Variants in CYLD observed in about 807,000 individuals in gnomAD.
CYLD encodes CYLD lysine 63 deubiquitinase, also known as ubiquitin carboxyl-terminal hydrolase CYLD.
Under a neutral mutation model 104.5 loss-of-function variants are expected in CYLD, and 26 were observed. The observed-to-expected ratio is 0.25, with a 90% CI of 0.18 to 0.35. The LOEUF is 0.35. CYLD is among the 10% of genes least tolerant of loss of function. CYLD has a pLI of 1.00. For missense variants in CYLD, 703 were observed against 1,136.1 expected, an observed-to-expected ratio of 0.62 and a Z score of 5.48; for synonymous variants, 385 against 399.9, an observed-to-expected ratio of 0.96 and a Z score of 0.45.
At chr16:50,774,895 C>T (rs544607366) in intron 5 of CYLD, among the ~76,000 whole-genome samples, 11 of 152,136 alleles carry the variant, frequency 7.2e-5, no homozygotes, top group Middle Eastern at 3.4e-3. Flanking sequence ...TGATCGAAAT[C>T]GTGGTTAATT....
chr16:50,798,120 T>C lies in CYLD; in HGVS notation c.*1612T>C, dbSNP rs1369520254. Reference sequence around the variant, plus strand: ...AGATGCATAAGGCCTTTTCTAGCTCTGACAGCCTAGAAGTCCAATCACCCT... The same window carrying C: ...AGATGCATAAGGCCTTTTCTAGCTCCGACAGCCTAGAAGTCCAATCACCCT... On this transcript the variant is annotated 3_prime_UTR_variant, in exon 19 of 19. Coordinates refer to ENST00000427738, the MANE Select transcript of CYLD (RefSeq NM_001378743.1). The C allele has an allele frequency of 4.3e-6, 1 of 231,442 alleles. No individual in the cohort carries two copies. Among genetic ancestry groups the C allele is most frequent in the Non-Finnish European group, 8.5e-6 (1 of 116,962 alleles). The allele number at this position is 231,442 out of a possible 1,614,324, so 14.3% of individuals were successfully genotyped here.
intron 2 of CYLD, among the ~76,000 whole-genome samples, chr16:50,743,478 C>G (rs1191087560): frequency 6.6e-6 from 1 of 152,180 alleles, no homozygotes; most frequent in African/African-American, 2.4e-5. Context: ...AAACCTTCCT[C>G]TGGGTGGTAA....
At chr16:50,754,997 GTATATA>G (rs1204657786) in intron 5 of CYLD, among the ~76,000 whole-genome samples, 1 of 7,560 alleles carries the variant, frequency 1.3e-4, no homozygotes, top group African/African-American at 8.2e-4. Context: ...ACATATATAT[GTATATA>G]TACATATATA....
chr16:50,796,348 C>T lies in CYLD; in HGVS notation c.2711C>T (p.Pro904Leu). The T allele has an allele frequency of 6.2e-7, 1 of 1,614,096 alleles. No homozygotes were observed. The highest frequency in any genetic ancestry group is 8.5e-7 in the Non-Finnish European group (1 of 1,180,000). The change falls in exon 19 of 19, where the codon CCT becomes CTT. Residue 904 changes from proline to leucine, a missense_variant. Physicochemically the swap from Pro to Leu is moderately conservative, Grantham distance 98 (BLOSUM62 -3). Coordinates refer to ENST00000427738, the MANE Select transcript of CYLD (RefSeq NM_001378743.1). ...RDGGQNGFNI[P>L]QVTPCPEVGE... is the part of the protein sequence containing the mutation. ...GGTGGTCAGAATGGCTTCAACATTC[C>T]TCAAGTCACCCCATGCCCAGAAGTA...
intron 12 of CYLD, 102 bp from the exon 13 acceptor site, chr16:50,786,753 C>G: frequency 2.3e-6 from 2 of 862,478 alleles, no homozygotes; most frequent in Middle Eastern, 3.5e-4. Flanking sequence ...TAGAGTGAGA[C>G]TCTATCTCAA....
At chr16:50,747,629 G>A (rs975635945) in intron 2 of CYLD, among the ~76,000 whole-genome samples, 4 of 152,192 alleles carry the variant, frequency 2.6e-5, no homozygotes, top group Non-Finnish European at 2.9e-5. Flanking sequence ...AAATTGAGGG[G>A]TTGGATAGCT....
Position 50,796,621 on chromosome 16 carries a change from A to C in CYLD, c.*113A>C. The C allele has an allele frequency of 1.8e-6, 2 of 1,091,898 alleles. No individual in the cohort carries two copies. The highest frequency in any genetic ancestry group is 2.8e-6 in the Non-Finnish European group (2 of 723,236). The allele number at this position is 1,091,898 out of a possible 1,614,324, so 67.6% of individuals were successfully genotyped here. A position where few individuals can be genotyped will look rare whatever the true frequency, so the allele number is the denominator to read the frequency against. The stretch of plus-strand genomic sequence containing the variant: ...GCCGGCAATGGATGTCTTTGTGGTG[A>C]TGATCCTTCAGAAAAGGATGCCTCT... On this transcript the variant is annotated 3_prime_UTR_variant, in exon 19 of 19. Coordinates refer to ENST00000427738, the MANE Select transcript of CYLD (RefSeq NM_001378743.1).
intron 9 of CYLD, among the ~76,000 whole-genome samples, chr16:50,780,394 G>A (rs1444668841): frequency 2.0e-5 from 3 of 152,082 alleles, no homozygotes; most frequent in Admixed American, 2.0e-4. Flanking sequence ...TATATCACTG[G>A]CTTTAAAGTT....
At chr16:50,793,413 G>A (rs1004906883) in intron 16 of CYLD, 133 bp from the exon 17 acceptor site, 3 of 771,638 alleles carry the variant, frequency 3.9e-6, no homozygotes, top group African/African-American at 1.7e-5. Flanking sequence ...TAAGCAGATG[G>A]AAGAGAAAGA....
At chr16:50,761,404 A>C (rs1967907705) in intron 5 of CYLD, among the ~76,000 whole-genome samples, 1 of 152,182 alleles carries the variant, frequency 6.6e-6, no homozygotes, top group Non-Finnish European at 1.5e-5. Flanking sequence ...AATCTTGTTC[A>C]TTATCCCAAA....
rs1967911692 is a variant in CYLD, at chr16:50,761,430, C to T, written c.913+7006C>T. ...TTATCCCAAATAGAAACTCTATACT[C>T]ATGAAGAGATAGCTGCCGGTTCCTC... On this transcript the variant is annotated intron_variant, in intron 5 of 18. Coordinates refer to ENST00000427738, the MANE Select transcript of CYLD (RefSeq NM_001378743.1). 2.6e-5 allele frequency among the ~76,000 whole-genome samples: 4 copies of T among 152,190 alleles called. No individual in the cohort carries two copies. The South Asian group carries it at 8.3e-4, about 31-fold the overall frequency.
chr16:50,748,358 C>T (rs1966366826), intron 2 of CYLD, among the ~76,000 whole-genome samples: 1 of 152,136 alleles, frequency 6.6e-6, no homozygotes, highest in African/African-American at 2.4e-5. Flanking sequence ...AATGAGCCTA[C>T]TTCATTGGAA....
At position 50,796,586 on chromosome 16, in the gene CYLD, C is replaced by A; in HGVS notation, c.*78C>A. 6.9e-7 allele frequency: 1 copy of A among 1,446,474 alleles called. No homozygotes were observed. Among genetic ancestry groups the A allele is most frequent in the Non-Finnish European group, 9.6e-7 (1 of 1,040,646 alleles). 89.6% of individuals were successfully genotyped at this position (1,446,474 alleles called of 1,614,324 possible). On this transcript the variant is annotated 3_prime_UTR_variant, in exon 19 of 19. Coordinates refer to ENST00000427738, the MANE Select transcript of CYLD (RefSeq NM_001378743.1). ...TCTTATTCGAGCTGGCAGTTCTGTTCACGTCCATTGCCGGCAATGGATGTC... is the reference window on the plus strand; with the variant it reads ...TCTTATTCGAGCTGGCAGTTCTGTTAACGTCCATTGCCGGCAATGGATGTC...
intron 5 of CYLD, among the ~76,000 whole-genome samples, chr16:50,759,860 T>G (rs538505097): frequency 5.3e-5 from 8 of 152,366 alleles, no homozygotes; most frequent in Admixed American, 2.0e-4. Context: ...TTATACAACA[T>G]TTGTGTCTTC....
At chr16:50,755,135 A>G (rs1967008504) in intron 5 of CYLD, among the ~76,000 whole-genome samples, 1 of 132,420 alleles carries the variant, frequency 7.6e-6, no homozygotes, top group Non-Finnish European at 1.6e-5. Flanking sequence ...ATATATACAC[A>G]CGTGTACATA....
In CYLD at chr16:50,796,463, A is replaced by G. The variant is rs1290078201; in HGVS notation, c.2826A>G (p.Ala942=). ...GTGCACGAAGACTGCTTTGTGATGC[A>G]TATATGTGCATGTACCAGAGTCCAA... ...QGCARRLLCD[A]YMCMYQSPTM... is the part of the protein sequence containing the mutation. The change falls in exon 19 of 19, where the codon GCA becomes GCG. Residue 942 remains alanine (A), a synonymous_variant. Coordinates refer to ENST00000427738, the MANE Select transcript of CYLD (RefSeq NM_001378743.1). The G allele has an allele frequency of 2.5e-6, 4 of 1,613,966 alleles. No homozygotes were observed. The highest frequency in any genetic ancestry group is 1.3e-5 in the African/African-American group (1 of 75,042).
intron 5 of CYLD, among the ~76,000 whole-genome samples, chr16:50,762,848 A>C (rs987143443): frequency 6.6e-6 from 1 of 152,250 alleles, no homozygotes; most frequent in African/African-American, 2.4e-5. Context: ...ATGTAGAAAT[A>C]CAATTGACTT....
At chr16:50,784,644 A>C (rs1970623300) in intron 12 of CYLD, 193 bp downstream of exon 12, 1 of 569,930 alleles carries the variant, frequency 1.8e-6, no homozygotes, top group Non-Finnish European at 3.1e-6. Flanking sequence ...AAATGTGGCC[A>C]AGGTGTAGAA....
intron 2 of CYLD, among the ~76,000 whole-genome samples, chr16:50,745,539 C>T (rs368513739): frequency 2.6e-5 from 4 of 151,330 alleles, no homozygotes; most frequent in African/African-American, 7.3e-5. Context: ...CCACCACACC[C>T]GGCTAATTTT....
Sources: allele counts gnomAD v4.1 joint callset (sites outside exome capture counted in the v4.1 genomes callset), GRCh38; gene constraint gnomAD v4.1.1; transcripts MANE v1.5; gene names NCBI Gene and HGNC (gene_info 2026-07-23, HGNC 2026-07-21).